The following CALY variants were observed in gnomAD, a reference collection of about 807,000 sequenced individuals.
The protein encoded by CALY is calcyon neuron specific vesicular protein.
A neutral mutation model predicts 20.2 loss-of-function variants in CALY; 15 were observed. The observed-to-expected ratio is 0.74, with a 90% CI of 0.50 to 1.14. The LOEUF is 1.14. Among genes scored for constraint, CALY ranks in the 50% most tolerant of loss-of-function variants. The probability of loss-of-function intolerance (pLI) is 0.00; values close to 1 mark genes in which losing one functional copy is unlikely to be tolerated. For synonymous variants in CALY, 129 were observed against 131.8 expected, an observed-to-expected ratio of 0.98 and a Z score of 0.15; for missense variants, 270 against 304.4, an observed-to-expected ratio of 0.89 and a Z score of 0.84.
In CALY at chr10:133,325,982, C is replaced by A. The variant is rs1046782536; in HGVS notation, c.499G>T (p.Asp167Tyr). 6.4e-7 allele frequency: 1 copy of A among 1,550,886 alleles called. No individual in the cohort carries two copies. The highest frequency in any genetic ancestry group is 1.2e-5 in the South Asian group (1 of 84,216). ...HGTETPAAWG[D>Y]GYRAAKEERK... ...TCCTCCTTGGCTGCGCGGTAGCCGT[C>A]CCCCCAGGCCGCCGGCGTCTCCGTG... Residue 167 changes from aspartate (D) to tyrosine (Y), a missense_variant, in exon 5 of 6, where the codon GAC (aspartate) becomes TAC (tyrosine). Physicochemically the swap from Asp to Tyr is radical, Grantham distance 160. Transcript: ENST00000252939.
At position 133,324,082 on chromosome 10, in the gene CALY, A is replaced by G. The variant is rs1848164197; in HGVS notation, c.*1513T>C. The G allele has an allele frequency of 6.3e-6, 1 of 159,076 alleles. No individual in the cohort carries two copies. The highest frequency in any genetic ancestry group is 1.4e-5 in the Non-Finnish European group (1 of 71,800). The allele number at this position is 159,076 out of a possible 1,614,324, so 9.9% of individuals were successfully genotyped here. A position where few individuals can be genotyped will look rare whatever the true frequency, so the allele number is the denominator to read the frequency against. On this transcript the variant is annotated 3_prime_UTR_variant, in exon 6 of 6. Coordinates refer to ENST00000252939, the MANE Select transcript of CALY (RefSeq NM_015722.4). ...ATAATAATAATAAAATACAGGGGAAAGCTGTATTTTAATTCAAACATCGGC... is the reference window on the plus strand; with the variant it reads ...ATAATAATAATAAAATACAGGGGAAGGCTGTATTTTAATTCAAACATCGGC...
rs1184190809 is a variant in CALY, at chr10:133,333,146, C to G, written c.-21+3688G>C. The stretch of plus-strand genomic sequence containing the variant: ...ACCACGGGAACAGGAGCAAGGGACC[C>G]GCGGTCACAGAGCTTCTGCCCAGCT... On this transcript the variant is annotated intron_variant, in intron 1 of 5. Transcript: ENST00000252939. Among the ~76,000 whole-genome samples the G allele has an allele frequency of 4.6e-5, 7 of 151,764 alleles. 1 individual carries two copies. The East Asian group carries it at 1.4e-3, about 29-fold the overall frequency.
chr10:133,329,392 C>CTTCTTCTTCTTCTTTT (rs549430070), intron 1 of CALY, among the ~76,000 whole-genome samples: 2 of 137,450 alleles, frequency 1.5e-5, no homozygotes, highest in Non-Finnish European at 3.1e-5. Context: ...TCTTCTTCTT[C>CTTCTTCTTCTTCTTTT]TTTTTTTTTT....
At chr10:133,333,537 G>GA (rs1166204324) in intron 1 of CALY, among the ~76,000 whole-genome samples, 4 of 150,632 alleles carry the variant, frequency 2.7e-5, no homozygotes, top group African/African-American at 9.8e-5. Flanking sequence ...TCTGAGGGGG[G>GA]AAGAATCCGA....
At chr10:133,329,392 C>CTTCTTCTTCTTTTTTTTTTTTT (rs549430070) in intron 1 of CALY, among the ~76,000 whole-genome samples, 111 of 137,394 alleles carry the variant, frequency 8.1e-4, no homozygotes, top group African/African-American at 3.0e-3. Context: ...TCTTCTTCTT[C>CTTCTTCTTCTTTTTTTTTTTTT]TTTTTTTTTT....
chr10:133,327,329 G>C, intron 3 of CALY: 1 of 497,312 alleles, frequency 2.0e-6, no homozygotes, highest in Non-Finnish European at 3.6e-6. Flanking sequence ...AGCCTCAGGG[G>C]AGTCGGAGGC....
chr10:133,331,152 G>A (rs990727409), intron 1 of CALY, among the ~76,000 whole-genome samples: 1 of 152,172 alleles, frequency 6.6e-6, no homozygotes, highest in African/African-American at 2.4e-5. Flanking sequence ...TAAGGCAGGA[G>A]GCGAGTGCTG....
At chr10:133,332,378 C>T (rs1848324583) in intron 1 of CALY, among the ~76,000 whole-genome samples, 1 of 152,112 alleles carries the variant, frequency 6.6e-6, no homozygotes, top group African/African-American at 2.4e-5. Context: ...TAAACCTAAA[C>T]TGGAAAAGCA....
In CALY at chr10:133,327,957, G is replaced by A. The variant is rs1189184344; in HGVS notation, c.194C>T (p.Pro65Leu). ...QLSSPDQQNF[P>L]DLEGQRLNCS... ...GTTCAGCCTCTGGCCCTCCAGGTCA[G>A]GGAAATTCTGCTGGTCTGGGGAGGA... is the stretch of plus-strand genomic sequence containing the variant. The change falls in exon 3 of 6, where the codon CCT becomes CTT. Residue 65 changes from proline to leucine, a missense_variant. By Grantham distance (98) the Pro-to-Leu change is moderately conservative. Transcript: ENST00000252939. The A allele has an allele frequency of 6.2e-7, 1 of 1,613,200 alleles. No homozygotes were observed. The highest frequency in any genetic ancestry group is 8.5e-7 in the Non-Finnish European group (1 of 1,179,744).
rs771763559 is a variant in CALY, at chr10:133,324,727, G to A, written c.*868C>T. The A allele has an allele frequency of 2.2e-5, 5 of 228,228 alleles. No homozygotes were observed. The highest frequency in any genetic ancestry group is 1.0e-4 in the African/African-American group (4 of 38,600). 14.1% of individuals were successfully genotyped at this position (228,228 alleles called of 1,614,324 possible). ...CCATTCCCTGTAGTGTTCAGTGCCG[G>A]GAGTTGGCTGGGGCTGGGGTGGGGA... On this transcript the variant is annotated 3_prime_UTR_variant, in exon 6 of 6. Transcript: ENST00000252939.
At chr10:133,333,286 A>G (rs1589855357) in intron 1 of CALY, among the ~76,000 whole-genome samples, 1 of 17,632 alleles carries the variant, frequency 5.7e-5, no homozygotes, top group Non-Finnish European at 1.1e-4. Context: ...AGAAGGATTG[A>G]GGGGGTGGGG....
chr10:133,332,464 G>T (rs1046760161), intron 1 of CALY, among the ~76,000 whole-genome samples: 4 of 152,180 alleles, frequency 2.6e-5, no homozygotes, highest in Non-Finnish European at 5.9e-5. Context: ...TCTTCATTAG[G>T]ACAATAGGTA....
At chr10:133,332,616 TG>T (rs1407276135) in intron 1 of CALY, among the ~76,000 whole-genome samples, 1 of 152,136 alleles carries the variant, frequency 6.6e-6, no homozygotes, top group East Asian at 1.9e-4. Context: ...GGGTGCATTG[TG>T]GGTTGAATGA....
intron 3 of CALY, chr10:133,327,704 C>T: frequency 1.5e-6 from 1 of 680,374 alleles, no homozygotes; most frequent in Non-Finnish European, 2.7e-6. Flanking sequence ...TCAGTCTGCA[C>T]CTGCAGCCTC....
intron 1 of CALY, among the ~76,000 whole-genome samples, chr10:133,333,004 C>T (rs982498160): frequency 6.6e-6 from 1 of 151,872 alleles, no homozygotes; most frequent in Non-Finnish European, 1.5e-5. Flanking sequence ...AAGCCACCTG[C>T]TTGTAATTTG....
rs532141151 is a variant in CALY, at chr10:133,325,987, C to G, written c.494G>C (p.Trp165Ser). 14 of 1,558,472 alleles carry G rather than the reference C, an allele frequency of 9.0e-6. No individual in the cohort carries two copies. In the South Asian group the frequency reaches 1.2e-4, roughly 13 times the overall value. Reference protein sequence around the residue: ...RKHGTETPAAWGDGYRAAKEE... With the variant: ...RKHGTETPAASGDGYRAAKEE... ...CTTGGCTGCGCGGTAGCCGTCCCCC[C>G]AGGCCGCCGGCGTCTCCGTGCCGTG... is the stretch of plus-strand genomic sequence containing the variant. Residue 165 changes from tryptophan (W) to serine (S), a missense_variant, in exon 5 of 6, where the codon TGG becomes TCG. Coordinates refer to ENST00000252939, the MANE Select transcript of CALY (RefSeq NM_015722.4).
intron 2 of CALY, among the ~76,000 whole-genome samples, chr10:133,328,549 G>A (rs1304584125): frequency 6.6e-6 from 1 of 152,256 alleles, no homozygotes; most frequent in Non-Finnish European, 1.5e-5. Flanking sequence ...ATGCCCCGAG[G>A]GGAAGGGTGG....
At chr10:133,330,404 TC>T (rs535106921) in intron 1 of CALY, among the ~76,000 whole-genome samples, 175 of 132,744 alleles carry the variant, frequency 1.3e-3, no homozygotes, top group African/African-American at 4.8e-3. Flanking sequence ...ACGCCTGTAA[TC>T]CCAGCACTTT....
Position 133,326,975 on chromosome 10 carries a change from A to G in CALY, c.263T>C (p.Met88Thr). ...CAGTAGCGCCATGGCGAAGGCGATC[A>G]TCCGTGCGGTGGGCAGCTGGCAGGA... ...EEGRRLPTAR[M>T]IAFAMALLGC... The change falls in exon 4 of 6, where the codon ATG (methionine) becomes ACG (threonine). Residue 88 changes from methionine to threonine, a missense_variant. By Grantham distance (81) the Met-to-Thr change is moderately conservative. Transcript: ENST00000252939. The G allele has an allele frequency of 1.2e-6, 2 of 1,608,888 alleles. No individual in the cohort carries two copies. Among genetic ancestry groups the G allele is most frequent in the South Asian group, 2.2e-5 (2 of 89,706 alleles).
Sources: gnomAD v4.1 joint callset for allele counts (sites outside exome capture counted in the v4.1 genomes callset) on GRCh38, gnomAD v4.1.1 for gene constraint, MANE v1.5 for transcripts, NCBI Gene and HGNC (gene_info 2026-07-23, HGNC 2026-07-21) for gene names.